Variants in CEP128 observed in about 807,000 individuals in gnomAD.
CEP128 encodes centrosomal protein 128kDa.
Under a neutral mutation model 156.7 loss-of-function variants are expected in CEP128, and 132 were observed. That is an observed-to-expected ratio of 0.84 (90% CI 0.73 to 0.97). CEP128 has a LOEUF of 0.97. CEP128 is among the 50% of genes least tolerant of loss of function. The pLI, the probability that CEP128 is intolerant of heterozygous loss-of-function variation, is 0.00. For synonymous variants in CEP128, 469 were observed against 448.9 expected (o/e 1.04, Z -0.57); for missense variants, 1,252 against 1,281.9 (o/e 0.98, Z 0.36).
At chr14:80,593,839 A>C (rs997118488) in intron 19 of CEP128, among the ~76,000 whole-genome samples, 3 of 152,206 alleles carry the variant, frequency 2.0e-5, no homozygotes, top group Non-Finnish European at 4.4e-5. Context: ...AAACAAATGG[A>C]AAAACATTCC....
At chr14:80,507,551 T>C (rs1297055541) in intron 23 of CEP128, among the ~76,000 whole-genome samples, 2 of 152,178 alleles carry the variant, frequency 1.3e-5, no homozygotes, top group East Asian at 3.9e-4. Context: ...CACTGAATCA[T>C]GGTTTTGATA....
intron 19 of CEP128, among the ~76,000 whole-genome samples, chr14:80,630,167 A>G (rs1893903872): frequency 6.6e-6 from 1 of 152,004 alleles, no homozygotes; most frequent in African/African-American, 2.4e-5. Context: ...AAAAGTAGAT[A>G]AAAATCAACT....
intron 19 of CEP128, among the ~76,000 whole-genome samples, chr14:80,632,615 T>C (rs903157700): frequency 6.6e-6 from 1 of 151,074 alleles, no homozygotes; most frequent in African/African-American, 2.4e-5. Flanking sequence ...GTGCATTCAC[T>C]ATAACAGTTT....
intron 17 of CEP128, among the ~76,000 whole-genome samples, chr14:80,759,499 A>C (rs2246617): frequency 0.01 from 1,566 of 152,070 alleles, 15 homozygotes; most frequent in Middle Eastern, 0.044. Flanking sequence ...GTGGTTTCTT[A>C]AGCATGTTTC....
At chr14:80,907,691 A>G (rs930862769) in intron 4 of CEP128, among the ~76,000 whole-genome samples, 1 of 151,734 alleles carries the variant, frequency 6.6e-6, no homozygotes, top group Non-Finnish European at 1.5e-5. Flanking sequence ...CTCAGCATCA[A>G]TCCACAAAAC....
At chr14:80,868,821 A>C (rs1566682050) in intron 8 of CEP128, among the ~76,000 whole-genome samples, 1 of 152,076 alleles carries the variant, frequency 6.6e-6, no homozygotes, top group Non-Finnish European at 1.5e-5. Context: ...ATTCTACACA[A>C]ATGGAAACTA....
intron 19 of CEP128, among the ~76,000 whole-genome samples, chr14:80,656,294 TATATATATA>T (rs1566837860): frequency 0.02 from 56 of 2,858 alleles, 3 homozygotes; most frequent in African/African-American, 0.064. Flanking sequence ...TATATATTTA[TATATATATA>T]TATATATATA....
At chr14:80,535,687 T>A (rs1450610517) in intron 21 of CEP128, among the ~76,000 whole-genome samples, 2 of 152,166 alleles carry the variant, frequency 1.3e-5, no homozygotes, top group Non-Finnish European at 1.5e-5. Flanking sequence ...TCAGAGGAGT[T>A]TTATGATACT....
At chr14:80,941,905 C>G (rs905949228), upstream of CEP128, 1 of 151,898 alleles carries the variant, frequency 6.6e-6, no homozygotes, top group Non-Finnish European at 1.5e-5. Context: ...GTAACTTTCC[C>G]GGATAAAAGC....
At chr14:80,514,455 T>C (rs910001920) in intron 23 of CEP128, among the ~76,000 whole-genome samples, 2 of 152,224 alleles carry the variant, frequency 1.3e-5, no homozygotes, top group Admixed American at 6.5e-5. Flanking sequence ...AAATAGCCTG[T>C]CTTTAAACCC....
At chr14:80,945,866 A>G (rs1273649567), upstream of CEP128, 1 of 152,214 alleles carries the variant, frequency 6.6e-6, no homozygotes, top group Non-Finnish European at 1.5e-5. Context: ...GTTCCTGACA[A>G]CTTCCAAGTT....
chr14:80,700,468 G>A (rs143018039), intron 19 of CEP128, among the ~76,000 whole-genome samples: 1 of 152,164 alleles, frequency 6.6e-6, no homozygotes, highest in Non-Finnish European at 1.5e-5. Flanking sequence ...ATAGGAAAGG[G>A]GGGATGGTAG....
chr14:80,720,989 GTTATCT>G (rs999046632), intron 19 of CEP128, among the ~76,000 whole-genome samples: 1 of 152,008 alleles, frequency 6.6e-6, no homozygotes, highest in African/African-American at 2.4e-5. Context: ...TGATTTGCTC[GTTATCT>G]TTATCTGTTA....
At chr14:80,604,891 T>C (rs951942704) in intron 19 of CEP128, among the ~76,000 whole-genome samples, 9 of 152,024 alleles carry the variant, frequency 5.9e-5, no homozygotes, top group Non-Finnish European at 1.0e-4. Flanking sequence ...TCTAGACAGA[T>C]CTGAAATTCA....
At position 80,615,175 on chromosome 14, in the gene CEP128, T is replaced by C. The variant is rs557576806; in HGVS notation, c.2807-34752A>G. On this transcript the variant is annotated intron_variant, in intron 19 of 24. Coordinates refer to ENST00000555265, the MANE Select transcript of CEP128 (RefSeq NM_152446.5). ...CACCAAGATCAAATATCACTTATAATGGGGAAACTCTACAGTCACACAAAC... is the reference window on the plus strand; with the variant it reads ...CACCAAGATCAAATATCACTTATAACGGGGAAACTCTACAGTCACACAAAC... 9.1e-4 allele frequency among the ~76,000 whole-genome samples: 139 copies of C among 152,228 alleles called. 1 individual carries two copies. The highest frequency in any genetic ancestry group is 3.2e-3 in the African/African-American group (134 of 41,554).
intron 20 of CEP128, among the ~76,000 whole-genome samples, chr14:80,563,778 G>A (rs1448185533): frequency 1.3e-5 from 2 of 151,760 alleles, no homozygotes; most frequent in Non-Finnish European, 2.9e-5. Context: ...CTCGTGATCC[G>A]CCTGCCTCGG....
At chr14:80,664,166 C>G (rs572294257) in intron 19 of CEP128, among the ~76,000 whole-genome samples, 3 of 151,978 alleles carry the variant, frequency 2.0e-5, no homozygotes, top group Non-Finnish European at 4.4e-5. Flanking sequence ...CTAGGTAATA[C>G]CTAAAAATCA....
At chr14:80,894,066 A>G (rs911964946) in intron 8 of CEP128, among the ~76,000 whole-genome samples, 14 of 152,156 alleles carry the variant, frequency 9.2e-5, no homozygotes, top group African/African-American at 3.4e-4. Flanking sequence ...AAATGATTAC[A>G]TAAGAGAACA....
At chr14:80,591,773 A>C (rs1271785776) in intron 19 of CEP128, among the ~76,000 whole-genome samples, 3 of 152,226 alleles carry the variant, frequency 2.0e-5, no homozygotes, top group African/African-American at 7.2e-5. Context: ...ACTCATCAGC[A>C]AATGCAAAAT....
Sources: gnomAD v4.1 joint callset for allele counts (sites outside exome capture counted in the v4.1 genomes callset) on GRCh38, gnomAD v4.1.1 for gene constraint, MANE v1.5 for transcripts, NCBI Gene and HGNC (gene_info 2026-07-23, HGNC 2026-07-21) for gene names.